The following FBXL7 variants were observed in gnomAD, a reference collection of about 807,000 sequenced individuals.
FBXL7 encodes F-box and leucine rich repeat protein 7, also known as F-box/LRR-repeat protein 7.
FBXL7 carries 12 observed loss-of-function variants against 38.3 expected under a neutral mutation model. That is an observed-to-expected ratio of 0.31 (90% CI 0.20 to 0.51). The LOEUF is 0.51. Among genes scored for constraint, FBXL7 ranks in the 20% least tolerant of loss-of-function variants. The pLI is 0.98. For synonymous variants in FBXL7, 297 were observed against 300.9 expected, an observed-to-expected ratio of 0.99 and a Z score of 0.13; for missense variants, 567 against 676.4, an observed-to-expected ratio of 0.84 and a Z score of 1.79.
intron 2 of FBXL7, among the ~76,000 whole-genome samples, chr5:15,901,677 C>T (rs940741273): frequency 1.3e-5 from 2 of 152,146 alleles, no homozygotes; most frequent in African/African-American, 4.8e-5. Context: ...CAAAGTATTG[C>T]CCTTCTGAGT....
At chr5:15,541,059 TG>T (rs1453891252) in intron 1 of FBXL7, among the ~76,000 whole-genome samples, 1 of 152,076 alleles carries the variant, frequency 6.6e-6, no homozygotes, top group East Asian at 1.9e-4. Context: ...AATGTGTGTG[TG>T]TGTGTGTGTG....
rs115825399 is a variant in FBXL7 at position 15,797,229 on chromosome 5, T to C, written c.128-130661T>C. ...CAGCATACAAGACTAGGGTGACCAA[T>C]AAAATAGGTCATCAAGTCCCAACAT... On this transcript the variant is annotated intron_variant, in intron 2 of 3. Transcript: ENST00000504595. Among the ~76,000 whole-genome samples, 1,027 of 152,262 alleles carry C rather than the reference T, an allele frequency of 6.7e-3. 7 individuals are homozygous for C. The highest frequency in any genetic ancestry group is 0.012 in the Admixed American group (177 of 15,296).
intron 1 of FBXL7, among the ~76,000 whole-genome samples, chr5:15,597,519 AT>A (rs1421720193): frequency 1.7e-4 from 25 of 147,014 alleles, no homozygotes; most frequent in African/African-American, 6.0e-4. Context: ...AAAAAAAAAA[AT>A]CTGAAATGCC....
At chr5:15,760,646 C>T (rs1458434981) in intron 2 of FBXL7, among the ~76,000 whole-genome samples, 1 of 152,070 alleles carries the variant, frequency 6.6e-6, no homozygotes, top group Non-Finnish European at 1.5e-5. Context: ...GACCCAGGAA[C>T]ATCTTTGCAG....
intron 2 of FBXL7, among the ~76,000 whole-genome samples, chr5:15,837,695 T>C (rs1464742983): frequency 6.6e-6 from 1 of 152,158 alleles, no homozygotes; most frequent in South Asian, 2.1e-4. Context: ...TGTTAAGATA[T>C]TATGAGAGCC....
chr5:15,563,543 C>A (rs1580373054), intron 1 of FBXL7, among the ~76,000 whole-genome samples: 1 of 152,084 alleles, frequency 6.6e-6, no homozygotes, highest in African/African-American at 2.4e-5. Flanking sequence ...ATTTCTCACT[C>A]TCCTGTTTGA....
At chr5:15,931,073 T>G (rs956245515) in intron 3 of FBXL7, among the ~76,000 whole-genome samples, 1 of 152,238 alleles carries the variant, frequency 6.6e-6, no homozygotes, top group African/African-American at 2.4e-5. Context: ...ATCCCTAGCA[T>G]GCAGAAAATG....
At chr5:15,774,563 C>T (rs913463685) in intron 2 of FBXL7, among the ~76,000 whole-genome samples, 2 of 152,136 alleles carry the variant, frequency 1.3e-5, no homozygotes, top group African/African-American at 4.8e-5. Flanking sequence ...TGGCATATTC[C>T]CACCATAATA....
intron 2 of FBXL7, among the ~76,000 whole-genome samples, chr5:15,764,879 T>C (rs938009627): frequency 8.5e-5 from 13 of 152,256 alleles, no homozygotes; most frequent in African/African-American, 2.9e-4. Context: ...AAGGGCCAGA[T>C]TGTAAATATT....
chr5:15,885,299 G>A (rs1361902135), intron 2 of FBXL7, among the ~76,000 whole-genome samples: 1 of 152,218 alleles, frequency 6.6e-6, no homozygotes, highest in Non-Finnish European at 1.5e-5. Flanking sequence ...TCATCAGAGT[G>A]AGCAAGTGAG....
At chr5:15,553,085 A>AC (rs538966701) in intron 1 of FBXL7, among the ~76,000 whole-genome samples, 49 of 146,832 alleles carry the variant, frequency 3.3e-4, no homozygotes, top group Admixed American at 2.4e-3. Context: ...CATGTCAAAA[A>AC]AAAAAAACAA....
At chr5:15,717,079 A>G (rs1240252625) in intron 2 of FBXL7, among the ~76,000 whole-genome samples, 1 of 152,186 alleles carries the variant, frequency 6.6e-6, no homozygotes, top group Non-Finnish European at 1.5e-5. Context: ...AAACCATTCC[A>G]TATGATTAAA....
At position 15,626,544 on chromosome 5, in the gene FBXL7, C is replaced by CTGTG. The variant is rs71603784; in HGVS notation, c.127+10498_127+10501dup. ...ATAGTCTTAGAAGAAAATTCGTTTC[C>CTGTG]TGTGTGTGTGTGTGTGTGTGTGTGT... is the stretch of plus-strand genomic sequence containing the variant. On this transcript the variant is annotated intron_variant, in intron 2 of 3. Transcript: ENST00000504595. 7.4e-3 allele frequency among the ~76,000 whole-genome samples: 1,097 copies of CTGTG among 148,334 alleles called. 9 individuals are homozygous for CTGTG. Among genetic ancestry groups the CTGTG allele is most frequent in the African/African-American group, 0.017 (695 of 40,512 alleles).
chr5:15,733,074 T>C (rs1159275490), intron 2 of FBXL7, among the ~76,000 whole-genome samples: 2 of 151,892 alleles, frequency 1.3e-5, no homozygotes, highest in African/African-American at 4.8e-5. Flanking sequence ...GCATAAGTAT[T>C]AAAAATCATG....
intron 2 of FBXL7, among the ~76,000 whole-genome samples, chr5:15,773,774 A>G (rs902471652): frequency 1.3e-5 from 2 of 152,150 alleles, no homozygotes; most frequent in African/African-American, 4.8e-5. Context: ...GGGCATATAA[A>G]TGAAGTGTGT....
chr5:15,717,160 A>G (rs16867606), intron 2 of FBXL7, among the ~76,000 whole-genome samples: 24,559 of 152,162 alleles, frequency 0.16, 2,169 homozygotes, highest in South Asian at 0.24. Context: ...GAGTCTATTT[A>G]AAAGTATTTG....
intron 2 of FBXL7, among the ~76,000 whole-genome samples, chr5:15,851,027 A>G (rs1380965649): frequency 6.6e-6 from 1 of 151,986 alleles, no homozygotes; most frequent in Non-Finnish European, 1.5e-5. Flanking sequence ...CTGAGTGCTC[A>G]TTCTCTTTCC....
At chr5:15,571,288 A>G (rs1412606268) in intron 1 of FBXL7, among the ~76,000 whole-genome samples, 1 of 152,036 alleles carries the variant, frequency 6.6e-6, no homozygotes, top group African/African-American at 2.4e-5. Context: ...AACTGTGATA[A>G]ATGGCCTCAG....
intron 1 of FBXL7, chr5:15,501,491 G>A (rs1482304001): frequency 1.3e-5 from 13 of 985,398 alleles, no homozygotes; most frequent in Non-Finnish European, 1.6e-5. Context: ...TACGCATAAG[G>A]CAAAGGCATT....
Sources: allele counts gnomAD v4.1 joint callset (sites outside exome capture counted in the v4.1 genomes callset), GRCh38; gene constraint gnomAD v4.1.1; transcripts MANE v1.5; gene names NCBI Gene and HGNC (gene_info 2026-07-23, HGNC 2026-07-21).